The following RBM28 variants were observed in gnomAD, a reference collection of about 807,000 sequenced individuals.
RBM28 encodes the protein RNA binding motif protein 28.
In RBM28, 78 loss-of-function variants were observed where a neutral mutation model predicts 98.3. The observed-to-expected ratio is 0.79, with a 90% confidence interval of 0.66 to 0.96. RBM28 has a LOEUF of 0.96. RBM28 is among the 40% of genes least tolerant of loss of function. RBM28 has a pLI of 0.00. For synonymous variants in RBM28, 306 were observed against 330.9 expected (o/e 0.92, Z 0.82); for missense variants, 838 against 913.0 (o/e 0.92, Z 1.06).
At chr7:128,330,474 C>A (rs1218643378) in intron 10 of RBM28, among the ~76,000 whole-genome samples, 1 of 150,930 alleles carries the variant, frequency 6.6e-6, no homozygotes, top group Non-Finnish European at 1.5e-5. Flanking sequence ...CTCCACCTCC[C>A]GGGTTCAAGC....
intron 11 of RBM28, 116 bp downstream of exon 11, chr7:128,325,702 A>G: frequency 1.3e-6 from 1 of 747,904 alleles, no homozygotes; most frequent in South Asian, 1.5e-5. Context: ...AATAAGTGTT[A>G]GTTTTATTAT....
chr7:128,317,976 T>C lies in RBM28; in HGVS notation c.1694A>G (p.Glu565Gly). 11 of 1,614,178 alleles carry C rather than the reference T, an allele frequency of 6.8e-6. No individual in the cohort carries two copies. The highest frequency in any genetic ancestry group is 9.3e-6 in the Non-Finnish European group (11 of 1,180,048). ...KALRLINNNP[E>G]IFGPLKRPIV... ...GCCTACCTTCAGAGGCCCAAAGATT[T>C]CTGGATTGTTGTTGATGAGGCGGAG... Residue 565 changes from glutamate to glycine, a missense_variant, in exon 15 of 19, where the codon GAA becomes GGA. By Grantham distance (98) the Glu-to-Gly change is moderately conservative (BLOSUM62 -2). Transcript: ENST00000223073.
chr7:128,338,487 C>A, intron 4 of RBM28, 145 bp from the exon 5 acceptor site: 1 of 775,322 alleles, frequency 1.3e-6, no homozygotes, highest in Non-Finnish European at 2.3e-6. Context: ...TTGCTTACAT[C>A]TTCTTACTGA....
At chr7:128,313,985 C>T (rs1475402410) in intron 17 of RBM28, among the ~76,000 whole-genome samples, 2 of 151,238 alleles carry the variant, frequency 1.3e-5, no homozygotes, top group Non-Finnish European at 2.9e-5. Context: ...TTTTTTGAGA[C>T]GGAGTCTCGC....
intron 10 of RBM28, 89 bp from the exon 11 acceptor site, chr7:128,325,980 G>C (rs898317192): frequency 1.9e-6 from 2 of 1,029,458 alleles, no homozygotes; most frequent in East Asian, 2.4e-5. Context: ...CTGACACAGA[G>C]TGGAAGGGAT....
At chr7:128,322,588 G>C (rs1275512990) in intron 13 of RBM28, among the ~76,000 whole-genome samples, 1 of 152,188 alleles carries the variant, frequency 6.6e-6, no homozygotes, top group Non-Finnish European at 1.5e-5. Flanking sequence ...AGCTGTGCCT[G>C]CTGTGAATTT....
rs1394196766 is a variant in RBM28, at chr7:128,335,591, C to G, written c.898G>C (p.Glu300Gln). ...LEESDSIDDG[E>Q]ELAQSDTSTE... ...CTGGTATCACTCTGAGCCAGTTCCT[C>G]TCCATCATCAATACTATCGCTTTCC... The change falls in exon 8 of 19, where the codon GAG becomes CAG. Residue 300 changes from glutamate (E) to glutamine (Q), a missense_variant. Glu to Gln is a conservative substitution (Grantham distance 29). Coordinates refer to ENST00000223073, the MANE Select transcript of RBM28 (RefSeq NM_018077.3). The G allele has an allele frequency of 6.2e-7, 1 of 1,614,094 alleles. No individual in the cohort carries two copies. The highest frequency in any genetic ancestry group is 8.5e-7 in the Non-Finnish European group (1 of 1,180,044).
intron 10 of RBM28, among the ~76,000 whole-genome samples, chr7:128,329,196 T>C (rs1796418463): frequency 6.6e-6 from 1 of 152,020 alleles, no homozygotes; most frequent in African/African-American, 2.4e-5. Flanking sequence ...CCCTCCCAGG[T>C]TCAAGCAATT....
intron 10 of RBM28, among the ~76,000 whole-genome samples, chr7:128,330,474 C>T (rs1218643378): frequency 2.0e-5 from 3 of 150,930 alleles, no homozygotes; most frequent in African/African-American, 4.9e-5. Flanking sequence ...CTCCACCTCC[C>T]GGGTTCAAGC....
intron 1 of RBM28, among the ~76,000 whole-genome samples, chr7:128,340,567 A>G (rs1796703442): frequency 6.6e-6 from 1 of 152,202 alleles, no homozygotes; most frequent in Non-Finnish European, 1.5e-5. Context: ...ATTCTCTTAT[A>G]AGCAACAGAA....
intron 7 of RBM28, 74 bp downstream of exon 7, chr7:128,335,773 A>T (rs1158288663): frequency 6.2e-7 from 1 of 1,613,596 alleles, no homozygotes; most frequent in Admixed American, 1.7e-5. Flanking sequence ...TGCAGGCAGA[A>T]AAAGGAGAAT....
intron 6 of RBM28, 82 bp from the exon 7 acceptor site, chr7:128,336,124 G>A: frequency 1.6e-6 from 2 of 1,290,200 alleles, no homozygotes; most frequent in South Asian, 2.7e-5. Context: ...AATACTCCAA[G>A]TTCTTGGTTT....
intron 16 of RBM28, 75 bp downstream of exon 16, chr7:128,317,582 TAA>T: frequency 8.5e-7 from 1 of 1,172,098 alleles, no homozygotes. Flanking sequence ...AGAACTACTC[TAA>T]GAGAGCAGAA....
At chr7:128,335,461 A>T in intron 8 of RBM28, 82 bp downstream of exon 8, 1 of 1,540,166 alleles carries the variant, frequency 6.5e-7, no homozygotes, top group Non-Finnish European at 8.9e-7. Flanking sequence ...TTAAAAAGAG[A>T]TCTAAGCAGA....
chr7:128,314,368 C>A (rs965064777), intron 17 of RBM28, among the ~76,000 whole-genome samples: 1 of 152,180 alleles, frequency 6.6e-6, no homozygotes, highest in Non-Finnish European at 1.5e-5. Flanking sequence ...ATAAATAAAA[C>A]CCCATGGATA....
intron 10 of RBM28, among the ~76,000 whole-genome samples, chr7:128,326,588 T>TCC (rs1796357840): frequency 6.6e-6 from 1 of 152,158 alleles, no homozygotes; most frequent in African/African-American, 2.4e-5. Flanking sequence ...GACCTATGTG[T>TCC]GTAGTAGGCC....
intron 13 of RBM28, among the ~76,000 whole-genome samples, chr7:128,322,043 G>A (rs7804660): frequency 0.068 from 4,234 of 61,852 alleles, 187 homozygotes; most frequent in African/African-American, 0.2. Flanking sequence ...AGTGAAATTC[G>A]GTCAAAAAAA....
Position 128,304,403 on chromosome 7 carries a change from G to A in RBM28, c.*6394C>T, listed in dbSNP as rs1795823461. On this transcript the variant is annotated 3_prime_UTR_variant, in exon 19 of 19. Transcript: ENST00000223073. ...TACTCAGTGAAAAGACACATGAGAT[G>A]GTTCAGTGCTAACTCACCCTTCTGA... 2 of 152,196 alleles carry A rather than the reference G, an allele frequency of 1.3e-5. No homozygotes were observed. Among genetic ancestry groups the A allele is most frequent in the African/African-American group, 4.8e-5 (2 of 41,438 alleles). 9.4% of individuals were successfully genotyped at this position (152,196 alleles called of 1,614,324 possible). A position where few individuals can be genotyped will look rare whatever the true frequency, so the allele number is the denominator to read the frequency against.
At chr7:128,337,550 C>T (rs1033568896) in intron 5 of RBM28, among the ~76,000 whole-genome samples, 3 of 134,102 alleles carry the variant, frequency 2.2e-5, no homozygotes, top group Non-Finnish European at 4.6e-5. Flanking sequence ...GACATCTCTA[C>T]GGCAATAACT....
Sources: gnomAD v4.1 joint callset for allele counts (sites outside exome capture counted in the v4.1 genomes callset) on GRCh38, gnomAD v4.1.1 for gene constraint, MANE v1.5 for transcripts, NCBI Gene and HGNC (gene_info 2026-07-23, HGNC 2026-07-21) for gene names.